IAH1: variants seen among roughly 807,000 people sequenced by gnomAD.
IAH1 encodes isoamyl acetate hydrolyzing esterase 1 (putative).
A neutral mutation model predicts 26.7 loss-of-function variants in IAH1; 24 were observed. That is an observed-to-expected ratio of 0.90 (90% CI 0.65 to 1.26). The LOEUF (loss-of-function observed/expected upper bound fraction) is 1.26. IAH1 is among the 50% of genes most tolerant of loss of function. The pLI, the probability that IAH1 is intolerant of heterozygous loss-of-function variation, is 0.00. For synonymous variants in IAH1, 140 were observed against 118.5 expected, an observed-to-expected ratio of 1.18 and a Z score of -1.18; for missense variants, 300 against 299.9, an observed-to-expected ratio of 1.00 and a Z score of 0.00.
intron 4 of IAH1, 51 bp from the exon 5 acceptor site, chr2:9,484,381 G>GGCCA: frequency 4.5e-6 from 6 of 1,347,460 alleles, no homozygotes; most frequent in Non-Finnish European, 6.4e-6. Flanking sequence ...CTTACACAAG[G>GGCCA]GCCAGCACTT....
rs1045613080 is a variant in IAH1, at chr2:9,489,739, A to C, written c.*1410A>C. The C allele has an allele frequency of 5.9e-5, 9 of 152,390 alleles. 1 individual carries two copies. Among genetic ancestry groups the C allele is most frequent in the Admixed American group, 2.6e-4 (4 of 15,272 alleles). The allele number at this position is 152,390 out of a possible 1,614,324, so 9.4% of individuals were successfully genotyped here. On this transcript the variant is annotated 3_prime_UTR_variant, in exon 6 of 6. Coordinates refer to ENST00000497473, the MANE Select transcript of IAH1 (RefSeq NM_001039613.3). ...TTAGTTGAAGGCAAAAAAAAAAAAA[A>C]AAAAAAAAAACTATTCCAGTTGTCA... is the stretch of plus-strand genomic sequence containing the variant.
chr2:9,494,706 G>T, downstream of IAH1: 1 of 1,613,928 alleles, frequency 6.2e-7, no homozygotes, highest in South Asian at 1.1e-5. Context: ...GTTCAGCATC[G>T]ACATAGGGCA....
At chr2:9,504,104 T>C in the IAH1 span, among the ~76,000 whole-genome samples, 1 of 152,032 alleles carries the variant, frequency 6.6e-6, no homozygotes, top group African/African-American at 2.4e-5. Flanking sequence ...TGAGCCATGA[T>C]CATGCCACTG....
upstream of IAH1, chr2:9,473,920 C>G (rs1682310291): frequency 6.6e-6 from 1 of 152,228 alleles, no homozygotes; most frequent in Admixed American, 6.5e-5. Flanking sequence ...TGCATTACAA[C>G]CACGTTTTAA....
downstream of IAH1, chr2:9,493,939 TC>T: frequency 1.2e-6 from 1 of 817,936 alleles, no homozygotes; most frequent in Non-Finnish European, 1.9e-6. Flanking sequence ...TCAAACGTTT[TC>T]CCATCTTTGA....
At chr2:9,494,880 T>G (rs1572881414) in intron 6 of IAH1, 1 of 1,365,228 alleles carries the variant, frequency 7.3e-7, no homozygotes, top group East Asian at 2.4e-5. Flanking sequence ...CACATTTATT[T>G]TTTATTTAAA....
At chr2:9,498,090 T>C (rs1238716143), downstream of IAH1, among the ~76,000 whole-genome samples, 1 of 152,108 alleles carries the variant, frequency 6.6e-6, no homozygotes, top group African/African-American at 2.4e-5. Context: ...AAGGCAGGGG[T>C]GTGATCATAG....
At chr2:9,512,132 T>G in the IAH1 span, among the ~76,000 whole-genome samples, 1 of 152,126 alleles carries the variant, frequency 6.6e-6, no homozygotes, top group African/African-American at 2.4e-5. Flanking sequence ...CATGTTCATA[T>G]TAAAACCGTA....
intron 1 of IAH1, chr2:9,475,365 A>T (rs1014253266): frequency 1.5e-5 from 6 of 410,306 alleles, no homozygotes; most frequent in African/African-American, 1.2e-4. Flanking sequence ...GCCGAATTCC[A>T]TGGGAATGTG....
chr2:9,506,281 G>A, the IAH1 span, among the ~76,000 whole-genome samples: 1 of 150,784 alleles, frequency 6.6e-6, no homozygotes, highest in Admixed American at 6.6e-5. Context: ...CACCAAAGGA[G>A]CTACTTTCAG....
downstream of IAH1, among the ~76,000 whole-genome samples, chr2:9,491,913 C>T (rs1400916677): frequency 3.3e-5 from 5 of 152,338 alleles, no homozygotes; most frequent in Middle Eastern, 3.4e-3. Flanking sequence ...TTCCATCCTC[C>T]AATAGAAGCA....
Position 9,489,590 on chromosome 2 carries a change from TATTAACCCAA to T in IAH1, c.*1264_*1273del, listed in dbSNP as rs1661918694. The T allele has an allele frequency of 2.0e-5, 3 of 152,432 alleles. No individual in the cohort carries two copies. The highest frequency in any genetic ancestry group is 7.3e-5 in the African/African-American group (3 of 41,350). The allele number at this position is 152,432 out of a possible 1,614,324, so 9.4% of individuals were successfully genotyped here. ...TTAGTCTTAGAATTATGAAGAGCCA[TATTAACCCAA>T]ATGATTTCTAAATTTAGATATATAT... On this transcript the variant is annotated 3_prime_UTR_variant, in exon 6 of 6. Coordinates refer to ENST00000497473, the MANE Select transcript of IAH1 (RefSeq NM_001039613.3).
At chr2:9,492,707 A>AT (rs904708992), downstream of IAH1, among the ~76,000 whole-genome samples, 33 of 152,164 alleles carry the variant, frequency 2.2e-4, no homozygotes, top group African/African-American at 6.0e-4. Flanking sequence ...CAAAAATAGT[A>AT]TTTTTTTTAA....
chr2:9,477,349 T>C (rs1391226365), intron 2 of IAH1, among the ~76,000 whole-genome samples: 1 of 152,164 alleles, frequency 6.6e-6, no homozygotes. Flanking sequence ...TAATCATAAG[T>C]TGAACCCCAG....
At chr2:9,487,937 G>A (rs2124935550) in intron 5 of IAH1, among the ~76,000 whole-genome samples, 1 of 152,140 alleles carries the variant, frequency 6.6e-6, no homozygotes, top group African/African-American at 2.4e-5. Flanking sequence ...GGGCTTAAGT[G>A]ATCCTCCCAT....
downstream of IAH1, among the ~76,000 whole-genome samples, chr2:9,501,365 A>G (rs1463659737): frequency 2.0e-5 from 3 of 152,186 alleles, no homozygotes; most frequent in Non-Finnish European, 2.9e-5. Flanking sequence ...GACACAGGCA[A>G]CCTAGCAGTG....
At chr2:9,505,413 G>T in the IAH1 span, 1 of 1,534,130 alleles carries the variant, frequency 6.5e-7, no homozygotes, top group Non-Finnish European at 9.0e-7. Context: ...TCATAAAAAT[G>T]TATTCCCATG....
downstream of IAH1, chr2:9,492,983 T>C (rs778078194): frequency 3.1e-6 from 5 of 1,609,400 alleles, no homozygotes; most frequent in Non-Finnish European, 4.2e-6. Flanking sequence ...TGCTAAAAAC[T>C]TTCCTGTGAA....
downstream of IAH1, chr2:9,489,863 G>GATTA (rs1387387182): frequency 8.8e-6 from 2 of 226,770 alleles, no homozygotes; most frequent in East Asian, 8.1e-5. Flanking sequence ...CAATATAAAA[G>GATTA]ATTAATTTAC....
Sources: gnomAD v4.1 joint callset for allele counts (sites outside exome capture counted in the v4.1 genomes callset) on GRCh38, gnomAD v4.1.1 for gene constraint, MANE v1.5 for transcripts, NCBI Gene and HGNC (gene_info 2026-07-23, HGNC 2026-07-21) for gene names.